The following EHMT2 variants were observed in gnomAD, a reference collection of about 807,000 sequenced individuals.
The protein encoded by EHMT2 is histone-lysine N-methyltransferase EHMT2.
In EHMT2, 59 loss-of-function variants were observed where a neutral mutation model predicts 143.3. The observed-to-expected ratio is 0.41, with a 90% confidence interval of 0.33 to 0.51. The LOEUF is 0.51. Ranked by LOEUF, EHMT2 falls within the 20% of genes least tolerant of loss-of-function variation. The pLI, the probability that EHMT2 is intolerant of heterozygous loss-of-function variation, is 0.18. For missense variants in EHMT2, 1,174 were observed against 1,645.9 expected (o/e 0.71, Z 4.96); for synonymous variants, 604 against 651.5 (o/e 0.93, Z 1.11).
chr6:31,890,308 T>C (rs1160495095), intron 7 of EHMT2, among the ~76,000 whole-genome samples: 1 of 152,052 alleles, frequency 6.6e-6, no homozygotes, highest in Non-Finnish European at 1.5e-5. Context: ...CCAGGCTGCA[T>C]TGCAATGGTG....
At chr6:31,896,801 G>T (rs753658042) in exon 3 of EHMT2, 3 of 1,613,086 alleles carry the variant, frequency 1.9e-6, no homozygotes, top group Non-Finnish European at 2.5e-6. Flanking sequence ...TCACTACGAG[G>T]GGTGTCCCCC....
At chr6:31,892,867 C>T (rs1261404722) in exon 5 of EHMT2, 16 of 1,598,044 alleles carry the variant, frequency 1.0e-5, no homozygotes, top group African/African-American at 1.3e-5. Context: ...ATCACTCATG[C>T]GGAAATGCTG....
chr6:31,888,476 G>A lies in EHMT2; in HGVS notation c.1396C>T (p.Arg466Trp), dbSNP rs1421727953. Reference sequence around the variant, plus strand: ...CGGCTGGATGGCCTCATGGTCTCCCGCTTGAGGATGGCGGCATTGCAGCCT... The same window carrying A: ...CGGCTGGATGGCCTCATGGTCTCCCACTTGAGGATGGCGGCATTGCAGCCT... The change falls in exon 12 of 28, where the codon CGG becomes TGG. Residue 466 changes from arginine to tryptophan, a missense_variant. Coordinates refer to ENST00000375537, the Ensembl canonical transcript of EHMT2. The surrounding 1 kb of genome is among the most constrained non-coding windows in gnomAD (Gnocchi z 7.4). 2.5e-6 allele frequency: 4 copies of A among 1,612,634 alleles called. No homozygotes were observed. The highest frequency in any genetic ancestry group is 1.7e-5 in the Admixed American group (1 of 59,938).
intron 6 of EHMT2, 51 bp from the exon 7 acceptor site, chr6:31,892,613 C>T (rs1765844671): frequency 6.2e-7 from 1 of 1,612,732 alleles, no homozygotes; most frequent in Non-Finnish European, 8.5e-7. Context: ...CGCATTTCTA[C>T]TGAGGATGGG....
rs1764058676 is a variant in EHMT2, at chr6:31,881,186, G to C, written c.3198-94C>G. 8.9e-7 allele frequency: 1 copy of C among 1,119,310 alleles called. No homozygotes were observed. The highest frequency in any genetic ancestry group is 1.4e-6 in the Non-Finnish European group (1 of 738,360). 69.3% of individuals were successfully genotyped at this position (1,119,310 alleles called of 1,614,324 possible). A position where few individuals can be genotyped will look rare whatever the true frequency, so the allele number is the denominator to read the frequency against. ...TCTCTTCACAAGCCTGTGGAATCTGGAATGGGCAGGGCTGGCAGGTGTGGG... is the reference window on the plus strand; with the variant it reads ...TCTCTTCACAAGCCTGTGGAATCTGCAATGGGCAGGGCTGGCAGGTGTGGG... On this transcript the variant is annotated intron_variant, in intron 25 of 27. Coordinates refer to ENST00000375537, the Ensembl canonical transcript of EHMT2. This position sits in a 1 kb window ranked among gnomAD's most constrained non-coding sequence, Gnocchi z 4.8.
intron 18 of EHMT2, 188 bp downstream of exon 18, chr6:31,886,393 A>G: frequency 1.6e-6 from 1 of 606,472 alleles, no homozygotes; most frequent in Non-Finnish European, 2.9e-6. Flanking sequence ...TTATTCTGAA[A>G]CTTGATAAAG....
In EHMT2 at chr6:31,880,965, T is replaced by A; in HGVS notation, c.3276+49A>T. On this transcript the variant is annotated intron_variant, in intron 26 of 27. Transcript: ENST00000375537. This position sits in a 1 kb window ranked among gnomAD's most constrained non-coding sequence, Gnocchi z 6.6. The stretch of plus-strand genomic sequence containing the variant: ...CATTTGCTGACTTCCCAGAGGCTCC[T>A]GAAAGCCAGCCCTGGGGAGCAGCAG... 6.2e-7 allele frequency: 1 copy of A among 1,610,480 alleles called. No individual in the cohort carries two copies. The highest frequency in any genetic ancestry group is 1.1e-5 in the South Asian group (1 of 91,046).
At chr6:31,890,728 G>C (rs59152905) in intron 7 of EHMT2, among the ~76,000 whole-genome samples, 1 of 150,000 alleles carries the variant, frequency 6.7e-6, no homozygotes, top group Non-Finnish European at 1.5e-5. Context: ...AGCTGGGCAT[G>C]GTGGTGGGTG....
chr6:31,884,302 T>A lies in EHMT2; in HGVS notation c.2771+90A>T. The stretch of plus-strand genomic sequence containing the variant: ...GATTCAGTGGTGCATGGGGAGGGGT[T>A]GGGGAATGTTGTGAGGATGCAATGG... On this transcript the variant is annotated intron_variant, in intron 21 of 27. Coordinates refer to ENST00000375537, the Ensembl canonical transcript of EHMT2. The surrounding 1 kb of genome is among the most constrained non-coding windows in gnomAD (Gnocchi z 7.3). The A allele has an allele frequency of 7.5e-7, 1 of 1,338,982 alleles. No homozygotes were observed. The highest frequency in any genetic ancestry group is 1.4e-5 in the South Asian group (1 of 73,892). 82.9% of individuals were successfully genotyped at this position (1,338,982 alleles called of 1,614,324 possible).
intron 17 of EHMT2, 28 bp downstream of exon 17, chr6:31,886,747 G>C: frequency 6.2e-7 from 1 of 1,614,066 alleles, no homozygotes. Flanking sequence ...TGACTCCGGG[G>C]GCCACGCCCT....
exon 5 of EHMT2, chr6:31,892,901 G>C: frequency 1.3e-6 from 2 of 1,575,502 alleles, no homozygotes; most frequent in Non-Finnish European, 1.7e-6. Context: ...CGCTTCTCAG[G>C]GACCGGGGGC....
chr6:31,890,995 T>C (rs138582179), intron 7 of EHMT2, among the ~76,000 whole-genome samples: 2 of 150,592 alleles, frequency 1.3e-5, no homozygotes, highest in African/African-American at 4.9e-5. Flanking sequence ...GAGGCTGGAG[T>C]GCAATGGTAC....
intron 1 of EHMT2, 152 bp from the exon 2 acceptor site, chr6:31,897,141 G>A (rs760363311): frequency 1.5e-6 from 2 of 1,378,632 alleles, no homozygotes; most frequent in Non-Finnish European, 1.9e-6. Context: ...GCTGCCCGGA[G>A]GGGCCGCACG....
chr6:31,887,451 C>T, intron 15 of EHMT2, 126 bp downstream of exon 15: 2 of 826,840 alleles, frequency 2.4e-6, no homozygotes, highest in Non-Finnish European at 3.9e-6. Flanking sequence ...TGTCTTTTCC[C>T]CACCACACTA....
Position 31,882,911 on chromosome 6 carries a change from G to A in EHMT2, c.3093C>T (p.Val1031=), listed in dbSNP as rs142755148. ...GGCCTCACTTGATGCCACTCTGTAC[G>A]ACCCGGTTCTTGCAGTTTCTCCAGC... The change falls in exon 24 of 28, where the codon GTC becomes GTT. Residue 1031 remains valine (V), a synonymous_variant. Transcript: ENST00000375537. 1,950 of 1,612,828 alleles carry A rather than the reference G, an allele frequency of 1.2e-3. 6 individuals carry two copies. Among genetic ancestry groups the A allele is most frequent in the Non-Finnish European group, 1.4e-3 (1,648 of 1,179,968 alleles).
At chr6:31,896,789 C>T (rs1351249203) in exon 3 of EHMT2, 8 of 1,613,064 alleles carry the variant, frequency 5.0e-6, no homozygotes, top group African/African-American at 1.3e-5. Context: ...GGCAGGGTTT[C>T]TTCACTACGA....
At position 31,889,546 on chromosome 6, in the gene EHMT2, C is replaced by T; in HGVS notation, c.921G>A (p.Glu307=). The T allele has an allele frequency of 6.2e-7, 1 of 1,611,324 alleles. No homozygotes were observed. Among genetic ancestry groups the T allele is most frequent in the Non-Finnish European group, 8.5e-7 (1 of 1,179,484 alleles). Residue 307 remains glutamate (E), a synonymous_variant, in exon 8 of 28, where the codon GAG becomes GAA. Transcript: ENST00000375537. The surrounding 1 kb of genome is among the most constrained non-coding windows in gnomAD (Gnocchi z 5.1). The stretch of plus-strand genomic sequence containing the variant: ...CCTCCTCTTCCTCTTCTTCTTCTTC[C>T]TCCTCTTCCTCCTCCTCCTCTTCAC...
At chr6:31,894,573 C>T (rs547160665) in intron 4 of EHMT2, among the ~76,000 whole-genome samples, 40 of 152,266 alleles carry the variant, frequency 2.6e-4, no homozygotes, top group Admixed American at 8.5e-4. Flanking sequence ...TGAGCCACTG[C>T]GCCTGGCCTA....
chr6:31,888,803 C>T lies in EHMT2; in HGVS notation c.1217-56G>A, dbSNP rs1240039794. On this transcript the variant is annotated intron_variant, in intron 10 of 27. Transcript: ENST00000375537. The surrounding 1 kb of genome is among the most constrained non-coding windows in gnomAD (Gnocchi z 7.4). ...GGCTCTGCACCTCACCTACTGGGAC[C>T]CCTGGCGGGTCCTCTCACTCCCTCC... is the stretch of plus-strand genomic sequence containing the variant. 17 of 1,594,344 alleles carry T rather than the reference C, an allele frequency of 1.1e-5. No homozygotes were observed. The highest frequency in any genetic ancestry group is 1.5e-5 in the Non-Finnish European group (17 of 1,172,182).
Sources: allele counts gnomAD v4.1 joint callset (sites outside exome capture counted in the v4.1 genomes callset), GRCh38; gene constraint gnomAD v4.1.1; non-coding constraint Gnocchi (gnomAD v3.1); transcripts MANE v1.5; gene names NCBI Gene and HGNC (gene_info 2026-07-23, HGNC 2026-07-21).